Variants in ITPR2 observed in about 807,000 individuals in gnomAD.
ITPR2 encodes inositol 1,4,5-trisphosphate receptor type 2.
In ITPR2, 207 loss-of-function variants were observed where a neutral mutation model predicts 317.1. The observed-to-expected ratio is 0.65, with a 90% CI of 0.58 to 0.73. ITPR2 has a LOEUF of 0.73. ITPR2 is among the 30% of genes least tolerant of loss of function. The pLI is 0.00. For missense variants in ITPR2, 2,613 were observed against 3,284.0 expected, an observed-to-expected ratio of 0.80 and a Z score of 4.99; for synonymous variants, 1,156 against 1,149.1, an observed-to-expected ratio of 1.01 and a Z score of -0.12.
chr12:26,479,076 C>A lies in ITPR2; in HGVS notation c.6123+2055G>T, dbSNP rs372547380. On this transcript the variant is annotated intron_variant, in intron 43 of 56. Transcript: ENST00000381340. ...ATTATTCTGTCTTACAAACATTGTT[C>A]TTATATTGGCCAATGTGTACAAACC... Among the ~76,000 whole-genome samples the A allele has an allele frequency of 6.0e-5, 9 of 150,044 alleles. No homozygotes were observed. The South Asian group carries it at 1.9e-3, about 31-fold the overall frequency.
intron 52 of ITPR2, among the ~76,000 whole-genome samples, chr12:26,407,756 G>T (rs182042728): frequency 2.6e-4 from 39 of 152,240 alleles, no homozygotes; most frequent in East Asian, 1.7e-3. Context: ...CTGTGATCTT[G>T]GCAACTTATT....
intron 37 of ITPR2, among the ~76,000 whole-genome samples, chr12:26,532,043 G>C (rs1195307937): frequency 6.6e-6 from 1 of 152,118 alleles, no homozygotes; most frequent in African/African-American, 2.4e-5. Flanking sequence ...TAAAATTATA[G>C]GATATTTGTG....
intron 35 of ITPR2, among the ~76,000 whole-genome samples, chr12:26,560,996 A>C (rs2137027763): frequency 6.6e-6 from 1 of 152,318 alleles, no homozygotes; most frequent in East Asian, 1.9e-4. Flanking sequence ...TTGAAGGCCT[A>C]ACTCACAGTA....
chr12:26,501,707 A>C (rs1943076994), intron 37 of ITPR2, among the ~76,000 whole-genome samples: 2 of 152,230 alleles, frequency 1.3e-5, no homozygotes, highest in South Asian at 4.1e-4. Flanking sequence ...TTCATTCACC[A>C]TAATGGCAAC....
chr12:26,556,566 TTGTGTGTG>T (rs1555155168), intron 35 of ITPR2, among the ~76,000 whole-genome samples, 191 bp from the exon 36 acceptor site: 73 of 136,272 alleles, frequency 5.4e-4, no homozygotes, highest in Admixed American at 4.2e-3. Flanking sequence ...ATTTTTTTTT[TTGTGTGTG>T]TGTGTGTGTG....
At chr12:26,680,570 T>A (rs1032154474) in intron 13 of ITPR2, among the ~76,000 whole-genome samples, 1 of 152,162 alleles carries the variant, frequency 6.6e-6, no homozygotes, top group Non-Finnish European at 1.5e-5. Flanking sequence ...ATAGATAAAA[T>A]CACATTTACT....
intron 56 of ITPR2, 80 bp from the exon 57 acceptor site, chr12:26,339,563 T>C: frequency 1.0e-6 from 1 of 1,004,686 alleles, no homozygotes; most frequent in South Asian, 1.3e-5. Context: ...CGTTTTGAGT[T>C]AATATTCCCC....
intron 26 of ITPR2, among the ~76,000 whole-genome samples, chr12:26,617,009 T>C (rs2136790412): frequency 6.6e-6 from 1 of 152,346 alleles, no homozygotes; most frequent in East Asian, 1.9e-4. Flanking sequence ...AGAAAATATA[T>C]GTTAATTGAC....
At chr12:26,597,497 T>A (rs760656153) in intron 30 of ITPR2, among the ~76,000 whole-genome samples, 18 of 152,332 alleles carry the variant, frequency 1.2e-4, no homozygotes, top group South Asian at 4.1e-4. Context: ...AATCTCATAA[T>A]TTTACTAAAG....
intron 20 of ITPR2, 94 bp downstream of exon 20, chr12:26,655,613 CA>C (rs56325248): frequency 0.26 from 166,574 of 633,144 alleles, 1,611 homozygotes; most frequent in Non-Finnish European, 0.28. Flanking sequence ...GACTCTGTCT[CA>C]AAAAAAAAAA....
At chr12:26,538,203 T>C (rs1291287972) in intron 37 of ITPR2, among the ~76,000 whole-genome samples, 1 of 152,220 alleles carries the variant, frequency 6.6e-6, no homozygotes, top group African/African-American at 2.4e-5. Flanking sequence ...TTTCTTAACC[T>C]TTCTGTGCTA....
At chr12:26,657,673 G>C (rs1437435427) in intron 18 of ITPR2, 34 bp downstream of exon 18, 2 of 1,574,580 alleles carry the variant, frequency 1.3e-6, no homozygotes, top group South Asian at 2.2e-5. Flanking sequence ...ATGTGAGACT[G>C]GGAATTATTG....
chr12:26,416,675 T>C (rs2136680873), intron 50 of ITPR2, among the ~76,000 whole-genome samples: 1 of 152,332 alleles, frequency 6.6e-6, no homozygotes, highest in South Asian at 2.1e-4. Context: ...TATTTTGCAA[T>C]CTATTTACCT....
Position 26,622,290 on chromosome 12 carries a change from A to G in ITPR2, c.3238T>C (p.Leu1080=), listed in dbSNP as rs374922664. 90 of 1,613,854 alleles carry G rather than the reference A, an allele frequency of 5.6e-5. No homozygotes were observed. The highest frequency in any genetic ancestry group is 6.9e-5 in the Non-Finnish European group (82 of 1,179,944). Residue 1080 remains leucine (L), a synonymous_variant, in exon 25 of 57, where the codon TTG becomes CTG. Transcript: ENST00000381340. ...PPLLSGALQL[L]FKHFSQRAEV... Reference sequence around the variant, plus strand: ...GCCCTCTGGCTGAAGTGCTTAAACAACAGCTGCAGGGCTCCAGACAGCAAA... The same window carrying G: ...GCCCTCTGGCTGAAGTGCTTAAACAGCAGCTGCAGGGCTCCAGACAGCAAA...
intron 2 of ITPR2, among the ~76,000 whole-genome samples, chr12:26,782,321 T>C (rs1950112140): frequency 6.8e-6 from 1 of 148,008 alleles, no homozygotes; most frequent in Non-Finnish European, 1.5e-5. Flanking sequence ...AGCCTAACCA[T>C]AAAACAAACA....
chr12:26,681,155 T>G (rs1461649330), intron 13 of ITPR2, among the ~76,000 whole-genome samples: 1 of 152,234 alleles, frequency 6.6e-6, no homozygotes, highest in Non-Finnish European at 1.5e-5. Context: ...CATACATGAC[T>G]GAATCCTCCC....
chr12:26,788,789 C>T (rs950399907), intron 2 of ITPR2, among the ~76,000 whole-genome samples: 2 of 152,150 alleles, frequency 1.3e-5, no homozygotes, highest in African/African-American at 4.8e-5. Flanking sequence ...GGGTGGTTTC[C>T]TCAGATCTCT....
rs1268935381 is a variant in ITPR2 at position 26,335,756 on chromosome 12, C to T, written c.*3641G>A. The stretch of plus-strand genomic sequence containing the variant: ...CAAATTTTGAGAATACAGAGCTTCC[C>T]ACGGCCTCCCCCATCCCTGCATTTG... On this transcript the variant is annotated 3_prime_UTR_variant, in exon 57 of 57. Transcript: ENST00000381340. 1 of 152,152 alleles carries T rather than the reference C, an allele frequency of 6.6e-6. No homozygotes were observed. The highest frequency in any genetic ancestry group is 1.9e-4 in the East Asian group (1 of 5,192). The allele number at this position is 152,152 out of a possible 1,614,324, so 9.4% of individuals were successfully genotyped here.
chr12:26,617,762 G>C (rs143577114), intron 26 of ITPR2, among the ~76,000 whole-genome samples: 2 of 136,342 alleles, frequency 1.5e-5, no homozygotes, highest in African/African-American at 2.7e-5. Flanking sequence ...GAAGGAGGGA[G>C]GGAGGGAAGG....
Sources: allele counts gnomAD v4.1 joint callset (sites outside exome capture counted in the v4.1 genomes callset), GRCh38; gene constraint gnomAD v4.1.1; transcripts MANE v1.5; gene names NCBI Gene and HGNC (gene_info 2026-07-23, HGNC 2026-07-21).